The following LIG1 variants were observed in gnomAD, a reference collection of about 807,000 sequenced individuals.
LIG1 encodes the protein DNA ligase 1.
In LIG1, 70 loss-of-function variants were observed where a neutral mutation model predicts 115.7. The observed-to-expected ratio is 0.60, with a 90% CI of 0.50 to 0.74. The LOEUF (loss-of-function observed/expected upper bound fraction) is 0.74, where lower values mean the gene tolerates loss of function less well. Ranked by LOEUF, LIG1 falls within the 30% of genes least tolerant of loss-of-function variation. The pLI, the probability that LIG1 is intolerant of heterozygous loss-of-function variation, is 0.00. For synonymous variants in LIG1, 487 were observed against 495.3 expected (o/e 0.98, Z 0.22); for missense variants, 1,115 against 1,225.6 (o/e 0.91, Z 1.35).
Position 48,123,270 on chromosome 19 carries a change from T to C in LIG1, c.2053A>G (p.Asn685Asp), listed in dbSNP as rs750752539. ...LSRRRQLLRE[N>D]FVETEGEFVF... ...AACTCGCCCTCTGTCTCCACAAAGTTCTCCCGGAGCAGCTGCCGGCGCCGG... is the reference window on the plus strand; with the variant it reads ...AACTCGCCCTCTGTCTCCACAAAGTCCTCCCGGAGCAGCTGCCGGCGCCGG... The change falls in exon 22 of 28, where the codon AAC (asparagine) becomes GAC (aspartate). Residue 685 changes from asparagine to aspartate, a missense_variant. Physicochemically the swap from Asn to Asp is conservative, Grantham distance 23. Transcript: ENST00000263274. 1.2e-6 allele frequency: 2 copies of C among 1,613,588 alleles called. No homozygotes were observed. The highest frequency in any genetic ancestry group is 1.7e-6 in the Non-Finnish European group (2 of 1,179,942).
At chr19:48,128,241 G>A (rs1014315811) in intron 19 of LIG1, among the ~76,000 whole-genome samples, 2 of 151,868 alleles carry the variant, frequency 1.3e-5, no homozygotes, top group Non-Finnish European at 2.9e-5. Context: ...GGAAACCTAG[G>A]AGCTCTTGTC....
chr19:48,143,649 T>G (rs963229793), intron 10 of LIG1, 50 bp from the exon 11 acceptor site: 3 of 1,483,332 alleles, frequency 2.0e-6, no homozygotes, highest in Non-Finnish European at 2.8e-6. Flanking sequence ...GGCTATACCA[T>G]GCTGCCCGTC....
chr19:48,135,844 G>A, intron 15 of LIG1, 65 bp from the exon 16 acceptor site: 1 of 1,441,320 alleles, frequency 6.9e-7, no homozygotes, highest in Non-Finnish European at 9.8e-7. Context: ...AGGGTGCAGT[G>A]GGTGGTTTGC....
chr19:48,160,733 T>G (rs1262432834), intron 4 of LIG1, among the ~76,000 whole-genome samples: 1 of 151,778 alleles, frequency 6.6e-6, no homozygotes, highest in Non-Finnish European at 1.5e-5. Context: ...ACCCTTATTT[T>G]TTTGCTTTTT....
chr19:48,127,132 C>T (rs1205981795), intron 21 of LIG1, 145 bp downstream of exon 21: 5 of 728,376 alleles, frequency 6.9e-6, no homozygotes, highest in Non-Finnish European at 1.2e-5. Context: ...GTCCTCAGAC[C>T]ACACTTTGAG....
chr19:48,160,099 T>C (rs2036087824), intron 4 of LIG1, among the ~76,000 whole-genome samples: 1 of 152,122 alleles, frequency 6.6e-6, no homozygotes, highest in African/African-American at 2.4e-5. Context: ...CCCCCAGAAA[T>C]GAACGCAGAC....
intron 2 of LIG1, among the ~76,000 whole-genome samples, chr19:48,164,307 G>A (rs956695077): frequency 2.0e-5 from 3 of 152,154 alleles, no homozygotes; most frequent in African/African-American, 7.2e-5. Context: ...GGAGAAAAAC[G>A]GAACCCAGCA....
intron 4 of LIG1, 137 bp downstream of exon 4, chr19:48,161,235 C>A: frequency 7.6e-7 from 1 of 1,309,510 alleles, no homozygotes; most frequent in Non-Finnish European, 1.1e-6. Context: ...TGTCTGCCCC[C>A]GACACAACCA....
intron 24 of LIG1, 31 bp from the exon 25 acceptor site, chr19:48,119,221 C>T: frequency 1.3e-6 from 2 of 1,554,286 alleles, no homozygotes; most frequent in South Asian, 1.2e-5. Context: ...GTCAGAGGCT[C>T]AGCCAGCCAC....
intron 26 of LIG1, among the ~76,000 whole-genome samples, chr19:48,116,594 G>A (rs1272094160): frequency 3.3e-5 from 5 of 152,216 alleles, no homozygotes; most frequent in African/African-American, 7.2e-5. Flanking sequence ...CTCAGGAGCC[G>A]CGTGATGCAG....
rs1472392746 is a variant in LIG1 at position 48,127,221 on chromosome 19, C to T, written c.2004+56G>A. The T allele has an allele frequency of 1.3e-5, 19 of 1,432,462 alleles. No homozygotes were observed. The East Asian group carries it at 4.3e-4, about 33-fold the overall frequency. The allele number at this position is 1,432,462 out of a possible 1,614,324, so 88.7% of individuals were successfully genotyped here. ...GGAAGTCAGAGGGGCAGCTGCCAGG[C>T]TCACACCCCACCCCGTCACCCCTCA... On this transcript the variant is annotated intron_variant, in intron 21 of 27. Coordinates refer to ENST00000263274, the MANE Select transcript of LIG1 (RefSeq NM_000234.3).
chr19:48,146,907 G>T (rs943806046), intron 9 of LIG1, among the ~76,000 whole-genome samples: 13 of 152,116 alleles, frequency 8.5e-5, no homozygotes, highest in African/African-American at 2.9e-4. Flanking sequence ...ACCTGGCGAG[G>T]CCCGACCTAA....
chr19:48,142,442 C>CAAAAAAAAAAAA (rs561137392), intron 11 of LIG1, among the ~76,000 whole-genome samples: 18 of 75,600 alleles, frequency 2.4e-4, no homozygotes, highest in African/African-American at 4.9e-4. Flanking sequence ...GACTCCATCT[C>CAAAAAAAAAAAA]AAAAAAAAAA....
At chr19:48,165,027 G>A (rs184569345) in intron 2 of LIG1, among the ~76,000 whole-genome samples, 11 of 152,334 alleles carry the variant, frequency 7.2e-5, no homozygotes, top group Admixed American at 3.3e-4. Flanking sequence ...CTGGGAGGCC[G>A]AGGTGGGCGG....
intron 9 of LIG1, among the ~76,000 whole-genome samples, chr19:48,148,800 T>C (rs2035291530): frequency 6.6e-6 from 1 of 152,204 alleles, no homozygotes; most frequent in Admixed American, 6.5e-5. Flanking sequence ...TCTCTTCAAA[T>C]AATTAACAAA....
At chr19:48,159,626 T>G (rs2036055714) in intron 4 of LIG1, among the ~76,000 whole-genome samples, 2 of 152,100 alleles carry the variant, frequency 1.3e-5, no homozygotes, top group Admixed American at 1.3e-4. Context: ...GCCTTCAAAG[T>G]GGAAGAGGGT....
At chr19:48,139,113 C>T (rs1245972312) in intron 12 of LIG1, among the ~76,000 whole-genome samples, 1 of 152,232 alleles carries the variant, frequency 6.6e-6, no homozygotes, top group Non-Finnish European at 1.5e-5. Context: ...GGTCATCCCT[C>T]CTACACTGAC....
chr19:48,137,148 C>T lies in LIG1; in HGVS notation c.1255-64G>A, dbSNP rs1303591141. The T allele has an allele frequency of 1.5e-6, 2 of 1,332,668 alleles. No homozygotes were observed. Among genetic ancestry groups the T allele is most frequent in the Non-Finnish European group, 2.1e-6 (2 of 938,380 alleles). The allele number at this position is 1,332,668 out of a possible 1,614,324, so 82.6% of individuals were successfully genotyped here. On this transcript the variant is annotated intron_variant, in intron 13 of 27. Transcript: ENST00000263274. The surrounding 1 kb of genome is among the most constrained non-coding windows in gnomAD (Gnocchi z 4.3). ...GGCAGGGACCACACCTCCACCCCAC[C>T]AGCCGTGCTGCTGCCCTGCATTTTG...
chr19:48,156,733 G>T (rs2035862718), intron 5 of LIG1, among the ~76,000 whole-genome samples: 1 of 151,970 alleles, frequency 6.6e-6, no homozygotes, highest in South Asian at 2.1e-4. Flanking sequence ...ACGAGGTCAG[G>T]AGTTTGAGAC....
Sources: gnomAD v4.1 joint callset for allele counts (sites outside exome capture counted in the v4.1 genomes callset) on GRCh38, gnomAD v4.1.1 for gene constraint, Gnocchi (gnomAD v3.1) non-coding constraint, MANE v1.5 for transcripts, NCBI Gene and HGNC (gene_info 2026-07-23, HGNC 2026-07-21) for gene names.